Variants in ANO3 observed in about 807,000 individuals in gnomAD.
The protein encoded by ANO3 is anoctamin-3.
A neutral mutation model predicts 144.8 loss-of-function variants in ANO3; 99 were observed. The ratio of observed to expected loss-of-function variants is 0.68; its 90% CI spans 0.58 to 0.81. The LOEUF (loss-of-function observed/expected upper bound fraction) is 0.81, where lower values mean the gene tolerates loss of function less well. Ranked by LOEUF, ANO3 falls within the 30% of genes least tolerant of loss-of-function variation. ANO3 has a pLI of 0.00. For synonymous variants in ANO3, 414 were observed against 392.6 expected, an observed-to-expected ratio of 1.05 and a Z score of -0.64; for missense variants, 905 against 1,202.2, an observed-to-expected ratio of 0.75 and a Z score of 3.66.
chr11:26,248,352 T>G (rs1852847229), intron 1 of ANO3, among the ~76,000 whole-genome samples: 1 of 151,534 alleles, frequency 6.6e-6, no homozygotes, highest in Non-Finnish European at 1.5e-5. Flanking sequence ...TAAAAAGAAA[T>G]AAAAAAAGAA....
In ANO3 at chr11:26,544,556, T is replaced by A. The variant is rs954405489; in HGVS notation, c.1154+2488T>A. Among the ~76,000 whole-genome samples the A allele has an allele frequency of 2.7e-5, 4 of 146,104 alleles. No individual in the cohort carries two copies. In the Admixed American group the frequency reaches 2.8e-4, roughly 10 times the overall value. ...GGTGACTATAGTTAATAATAATGTA[T>A]TTTATGCTTGAAAATTGCTGAGTAC... is the stretch of plus-strand genomic sequence containing the variant. On this transcript the variant is annotated intron_variant, in intron 11 of 26. Transcript: ENST00000256737.
chr11:26,365,969 TATATATATATATATATATATATATATA>T (rs373274112), intron 1 of ANO3, among the ~76,000 whole-genome samples: 1,489 of 6,182 alleles, frequency 0.24, 31 homozygotes, highest in Middle Eastern at 0.5. Context: ...TATATATATA[TATATATATATATATATATATATATATA>T]TATATATTTT....
intron 1 of ANO3, among the ~76,000 whole-genome samples, chr11:26,233,261 G>A (rs1179807948): frequency 6.7e-6 from 1 of 149,906 alleles, no homozygotes; most frequent in Non-Finnish European, 1.5e-5. Context: ...GAAAAAAACA[G>A]CCCCATCAAA....
intron 1 of ANO3, among the ~76,000 whole-genome samples, chr11:26,299,152 G>T (rs962715078): frequency 9.9e-5 from 15 of 152,122 alleles, no homozygotes; most frequent in African/African-American, 3.4e-4. Context: ...AAAGTTAAAA[G>T]GTTAAGAAAA....
intron 4 of ANO3, among the ~76,000 whole-genome samples, chr11:26,465,912 G>C (rs1859586182): frequency 1.3e-5 from 2 of 151,882 alleles, no homozygotes; most frequent in Admixed American, 1.3e-4. Flanking sequence ...ACTATAGTTT[G>C]CTGTAGAATT....
At chr11:26,419,414 GT>G in intron 1 of ANO3, among the ~76,000 whole-genome samples, 1 of 152,174 alleles carries the variant, frequency 6.6e-6, no homozygotes, top group Admixed American at 6.6e-5. Context: ...AGTTTTATCT[GT>G]TTTGTTCACT....
chr11:26,625,114 A>G (rs533979082), intron 18 of ANO3, among the ~76,000 whole-genome samples: 1 of 152,048 alleles, frequency 6.6e-6, no homozygotes, highest in African/African-American at 2.4e-5. Context: ...TTTAGTAGAG[A>G]CGGGGTTTCA....
chr11:26,419,044 C>A (rs1484834426), intron 1 of ANO3, among the ~76,000 whole-genome samples: 5 of 152,094 alleles, frequency 3.3e-5, no homozygotes, highest in African/African-American at 1.2e-4. Context: ...GTTCTGCAGG[C>A]TGTACAGAAA....
intron 7 of ANO3, among the ~76,000 whole-genome samples, chr11:26,530,740 G>A (rs901191173): frequency 1.3e-5 from 2 of 151,842 alleles, no homozygotes; most frequent in South Asian, 4.2e-4. Context: ...TTGGTGGCTC[G>A]CGCCTATACT....
At chr11:26,473,174 C>G (rs529197723) in intron 4 of ANO3, among the ~76,000 whole-genome samples, 159 of 152,044 alleles carry the variant, frequency 1.0e-3, no homozygotes, top group Non-Finnish European at 1.9e-3. Flanking sequence ...TTAAAGCATG[C>G]TTATTAACTC....
chr11:26,627,772 A>G (rs1565151885), intron 18 of ANO3, among the ~76,000 whole-genome samples: 1 of 151,820 alleles, frequency 6.6e-6, no homozygotes, highest in Non-Finnish European at 1.5e-5. Flanking sequence ...ATTAGTTTAA[A>G]TGGATAAAAA....
chr11:26,402,432 G>C (rs922764888), intron 1 of ANO3, among the ~76,000 whole-genome samples: 1 of 151,916 alleles, frequency 6.6e-6, no homozygotes, highest in Non-Finnish European at 1.5e-5. Flanking sequence ...TTAACCCCAT[G>C]TATGTCTGCT....
intron 1 of ANO3, among the ~76,000 whole-genome samples, chr11:26,250,527 T>C (rs1852903560): frequency 1.3e-5 from 2 of 152,166 alleles, no homozygotes; most frequent in Non-Finnish European, 2.9e-5. Context: ...AGTGAGCCGA[T>C]TTTATGCCAA....
At chr11:26,634,080 CA>C (rs10631901) in intron 18 of ANO3, 123 bp from the exon 19 acceptor site, 6,112 of 358,432 alleles carry the variant, frequency 0.017, 1 homozygote, top group Admixed American at 0.036. Flanking sequence ...ACTCCATTTC[CA>C]AAAAAAAAAA....
chr11:26,229,486 T>C (rs951862964), intron 1 of ANO3, among the ~76,000 whole-genome samples: 5 of 152,368 alleles, frequency 3.3e-5, no homozygotes, highest in African/African-American at 1.2e-4. Flanking sequence ...ATGGATGTGA[T>C]GGAACTTCGC....
intron 12 of ANO3, among the ~76,000 whole-genome samples, chr11:26,552,528 T>A (rs1229406494): frequency 6.6e-6 from 1 of 152,108 alleles, no homozygotes; most frequent in African/African-American, 2.4e-5. Flanking sequence ...AATAAGTTGC[T>A]GAGAACTGTG....
At chr11:26,275,480 G>T (rs1445587630) in intron 1 of ANO3, among the ~76,000 whole-genome samples, 4 of 152,066 alleles carry the variant, frequency 2.6e-5, no homozygotes, top group Non-Finnish European at 5.9e-5. Flanking sequence ...AAATGCTGAA[G>T]CCCATAGTTT....
chr11:26,406,256 G>A (rs961692323), intron 1 of ANO3, among the ~76,000 whole-genome samples: 4 of 151,900 alleles, frequency 2.6e-5, no homozygotes, highest in Non-Finnish European at 5.9e-5. Context: ...GCAAGACAGT[G>A]CTGTCATCCA....
At chr11:26,236,921 A>G (rs1282471405) in intron 1 of ANO3, among the ~76,000 whole-genome samples, 2 of 152,122 alleles carry the variant, frequency 1.3e-5, no homozygotes, top group Non-Finnish European at 2.9e-5. Context: ...ATACAGTTAT[A>G]AAAGATTTTT....
Sources: allele counts gnomAD v4.1 joint callset (sites outside exome capture counted in the v4.1 genomes callset), GRCh38; gene constraint gnomAD v4.1.1; transcripts MANE v1.5; gene names NCBI Gene and HGNC (gene_info 2026-07-23, HGNC 2026-07-21).